Variants in NETO2 observed in about 807,000 individuals in gnomAD.
NETO2 encodes the protein neuropilin and tolloid like 2, also known as neuropilin and tolloid-like protein 2.
NETO2 carries 28 observed loss-of-function variants against 62.5 expected under a neutral mutation model. The observed-to-expected ratio is 0.45, with a 90% CI of 0.33 to 0.61. The LOEUF (loss-of-function observed/expected upper bound fraction) is 0.61. NETO2 is among the 20% of genes least tolerant of loss of function. NETO2 has a pLI of 0.02. For synonymous variants in NETO2, 214 were observed against 219.1 expected (o/e 0.98, Z 0.21); for missense variants, 548 against 643.2 (o/e 0.85, Z 1.60).
chr16:47,102,592 GAAAA>G (rs796983567), intron 7 of NETO2, among the ~76,000 whole-genome samples: 1 of 95,134 alleles, frequency 1.1e-5, no homozygotes, highest in African/African-American at 3.9e-5. Flanking sequence ...AAATTTACAA[GAAAA>G]AAAAAAAAAA....
At position 47,083,554 on chromosome 16, in the gene NETO2, C is replaced by G; in HGVS notation, c.1245G>C (p.Leu415Phe). 2 of 1,614,192 alleles carry G rather than the reference C, an allele frequency of 1.2e-6. No homozygotes were observed. Among genetic ancestry groups the G allele is most frequent in the Non-Finnish European group, 1.7e-6 (2 of 1,180,042 alleles). The change falls in exon 9 of 9, where the codon TTG (leucine) becomes TTC (phenylalanine). Residue 415 changes from leucine to phenylalanine, a missense_variant. Coordinates refer to ENST00000562435, the MANE Select transcript of NETO2 (RefSeq NM_018092.5). ...DKEISADLAD[L>F]SEELDNYQKM... is the part of the protein sequence containing the mutation. ...TCTGGTAGTTGTCCAATTCTTCCGA[C>G]AAGTCTGCCAGGTCTGCAGAAATCT...
intron 6 of NETO2, 38 bp from the exon 7 acceptor site, chr16:47,109,749 T>G: frequency 7.1e-7 from 1 of 1,406,912 alleles, no homozygotes; most frequent in South Asian, 1.2e-5. Flanking sequence ...TTTAAAAAGA[T>G]ATATTAATTT....
intron 6 of NETO2, among the ~76,000 whole-genome samples, chr16:47,116,199 G>C (rs1405036156): frequency 7.1e-6 from 1 of 140,968 alleles, no homozygotes; most frequent in African/African-American, 2.7e-5. Flanking sequence ...GGCTGGCCTT[G>C]AACTCCTGAG....
At chr16:47,113,984 T>C (rs1213928048) in intron 6 of NETO2, among the ~76,000 whole-genome samples, 18 of 152,170 alleles carry the variant, frequency 1.2e-4, no homozygotes, top group Admixed American at 1.1e-3. Context: ...ATAGGTTTTT[T>C]TCCATAAACA....
intron 1 of NETO2, among the ~76,000 whole-genome samples, chr16:47,138,631 T>C (rs759868960): frequency 1.3e-4 from 20 of 152,214 alleles, no homozygotes; most frequent in Non-Finnish European, 2.2e-4. Flanking sequence ...AATAGTTAAA[T>C]GGACATTTCT....
intron 7 of NETO2, among the ~76,000 whole-genome samples, chr16:47,101,377 GA>G (rs1963539431): frequency 6.6e-6 from 1 of 151,608 alleles, no homozygotes. Context: ...ACTGGCACAA[GA>G]CAAGGATGCC....
chr16:47,112,128 G>C (rs1433477219), intron 6 of NETO2, among the ~76,000 whole-genome samples: 1 of 151,606 alleles, frequency 6.6e-6, no homozygotes, highest in Non-Finnish European at 1.5e-5. Flanking sequence ...ATGTTGTCTA[G>C]GCTGGTCTTG....
chr16:47,136,598 G>T (rs1964365311), intron 1 of NETO2, among the ~76,000 whole-genome samples: 1 of 152,052 alleles, frequency 6.6e-6, no homozygotes, highest in South Asian at 2.1e-4. Context: ...TAGAGACGGG[G>T]TTTCACTGTG....
Position 47,083,817 on chromosome 16 carries a change from G to A in NETO2, c.998-16C>T. 6.5e-7 allele frequency: 1 copy of A among 1,539,794 alleles called. No homozygotes were observed. Among genetic ancestry groups the A allele is most frequent in the Non-Finnish European group, 8.8e-7 (1 of 1,135,248 alleles). ...TTTTTCTTTTCTGCAGAAAGAAAAT[G>A]AGAAACGTTAAGTTTTCAAAATACA... is the stretch of plus-strand genomic sequence containing the variant. On this transcript the variant is annotated splice_polypyrimidine_tract_variant and intron_variant, in intron 8 of 8. Transcript: ENST00000562435.
Position 47,114,439 on chromosome 16 carries a change from C to CTTTTT in NETO2, c.655-4733_655-4729dup, listed in dbSNP as rs33994080. Among the ~76,000 whole-genome samples the CTTTTT allele has an allele frequency of 2.7e-3, 104 of 37,934 alleles. 10 individuals carry two copies. Among genetic ancestry groups the CTTTTT allele is most frequent in the Non-Finnish European group, 3.9e-3 (78 of 19,750 alleles). 24.9% of individuals were successfully genotyped at this position (37,934 alleles called of 152,430 possible). On this transcript the variant is annotated intron_variant, in intron 6 of 8. Transcript: ENST00000562435. ...TTTCATTAGTCCAATTTATAAATTT[C>CTTTTT]TTTTTTTTTTTTTTTTTTTTTTTTT...
At chr16:47,139,242 A>G (rs1014726737) in intron 1 of NETO2, among the ~76,000 whole-genome samples, 1 of 152,204 alleles carries the variant, frequency 6.6e-6, no homozygotes, top group Non-Finnish European at 1.5e-5. Flanking sequence ...AACCGCAAAC[A>G]CATAGCACAG....
In NETO2 at chr16:47,081,300, C is replaced by T. The variant is rs1381314580; in HGVS notation, c.*1921G>A. The T allele has an allele frequency of 2.0e-5, 3 of 152,072 alleles. No individual in the cohort carries two copies. Among genetic ancestry groups the T allele is most frequent in the Non-Finnish European group, 2.9e-5 (2 of 67,960 alleles). 9.4% of individuals were successfully genotyped at this position (152,072 alleles called of 1,614,324 possible). ...AATGTTAGCTGGTGTAAGTTACCTA[C>T]TAAAATGCTTATTCAGCATAACTAC... On this transcript the variant is annotated 3_prime_UTR_variant, in exon 9 of 9. Transcript: ENST00000562435.
chr16:47,100,316 G>A (rs1215295833), intron 7 of NETO2, among the ~76,000 whole-genome samples: 1 of 152,224 alleles, frequency 6.6e-6, no homozygotes, highest in Non-Finnish European at 1.5e-5. Context: ...GCAGTGTTTA[G>A]AGGGAAATTT....
At chr16:47,138,331 CA>C (rs1445684573) in intron 1 of NETO2, among the ~76,000 whole-genome samples, 4 of 152,134 alleles carry the variant, frequency 2.6e-5, no homozygotes, top group Non-Finnish European at 4.4e-5. Context: ...ACCTGGGAGG[CA>C]GAGGTTGTGG....
chr16:47,115,129 T>G (rs1415234745), intron 6 of NETO2, among the ~76,000 whole-genome samples: 1 of 152,244 alleles, frequency 6.6e-6, no homozygotes, highest in Non-Finnish European at 1.5e-5. Flanking sequence ...ACCACAGTCT[T>G]GGTTACTGAA....
chr16:47,142,802 T>A (rs1232626365), intron 1 of NETO2, among the ~76,000 whole-genome samples: 1 of 152,240 alleles, frequency 6.6e-6, no homozygotes, highest in Non-Finnish European at 1.5e-5. Context: ...GCAAAGCCGG[T>A]GGAGTAGGTT....
At chr16:47,136,555 G>A (rs1375337843) in intron 1 of NETO2, among the ~76,000 whole-genome samples, 2 of 152,192 alleles carry the variant, frequency 1.3e-5, no homozygotes, top group South Asian at 4.2e-4. Context: ...ACAGGCATGC[G>A]CCACCACGGC....
chr16:47,138,229 G>A (rs895906344), intron 1 of NETO2, among the ~76,000 whole-genome samples: 3 of 152,068 alleles, frequency 2.0e-5, no homozygotes, highest in Admixed American at 6.6e-5. Flanking sequence ...GTGAAACCCC[G>A]TCTCTAATAA....
At chr16:47,130,143 C>T (rs189429959) in intron 2 of NETO2, among the ~76,000 whole-genome samples, 34 of 152,274 alleles carry the variant, frequency 2.2e-4, no homozygotes, top group Non-Finnish European at 4.3e-4. Context: ...AACAGGGAGA[C>T]GAGTGAATGT....
Sources: gnomAD v4.1 joint callset for allele counts (sites outside exome capture counted in the v4.1 genomes callset) on GRCh38, gnomAD v4.1.1 for gene constraint, MANE v1.5 for transcripts, NCBI Gene and HGNC (gene_info 2026-07-23, HGNC 2026-07-21) for gene names.